ANK2: variants seen among roughly 807,000 people sequenced by gnomAD.
ANK2 encodes ankyrin 2.
Under a neutral mutation model 360.5 loss-of-function variants are expected in ANK2, and 83 were observed. That is an observed-to-expected ratio of 0.23 (90% CI 0.19 to 0.28). The LOEUF (loss-of-function observed/expected upper bound fraction) is 0.28. ANK2 is among the 10% of genes least tolerant of loss of function. ANK2 has a pLI of 1.00. For synonymous variants in ANK2, 1,740 were observed against 1,759.5 expected (o/e 0.99, Z 0.28); for missense variants, 4,201 against 4,795.7 (o/e 0.88, Z 3.66).
intron 1 of ANK2, among the ~76,000 whole-genome samples, chr4:112,867,672 GTTT>G (rs34029563): frequency 7.4e-6 from 1 of 135,148 alleles, no homozygotes; most frequent in African/African-American, 2.7e-5. Flanking sequence ...TTTTAAGTCT[GTTT>G]TTTTTTTTTC....
intron 1 of ANK2, among the ~76,000 whole-genome samples, chr4:113,160,770 G>A (rs1315539433): frequency 6.6e-6 from 1 of 152,196 alleles, no homozygotes; most frequent in East Asian, 1.9e-4. Flanking sequence ...CCCCACTTGA[G>A]CCATGCACAA....
the ANK2 span, among the ~76,000 whole-genome samples, chr4:112,754,624 A>G: frequency 6.6e-6 from 1 of 152,042 alleles, no homozygotes. Context: ...GGGCCCACTG[A>G]GCCTGCTTTC....
At chr4:112,758,203 A>G in the ANK2 span, among the ~76,000 whole-genome samples, 30 of 151,916 alleles carry the variant, frequency 2.0e-4, no homozygotes, top group African/African-American at 7.2e-4. Context: ...TCCGGCCAAG[A>G]TGGATTTTTT....
rs571564875 is a variant in ANK2 at position 113,115,777 on chromosome 4, A to T, written c.85-58639A>T. Among the ~76,000 whole-genome samples the T allele has an allele frequency of 6.6e-5, 10 of 152,346 alleles. No homozygotes were observed. In the South Asian group the frequency reaches 1.7e-3, roughly 25 times the overall value. On this transcript the variant is annotated intron_variant, in intron 1 of 45. Coordinates refer to ENST00000357077, the MANE Select transcript of ANK2 (RefSeq NM_001148.6). Reference sequence around the variant, plus strand: ...AGATATGTCATAAGGGTTAGGATACAAAAACATATCATTTTCTAGGAGAGC... The same window carrying T: ...AGATATGTCATAAGGGTTAGGATACTAAAACATATCATTTTCTAGGAGAGC...
At chr4:113,126,823 A>G (rs1461373543) in intron 1 of ANK2, among the ~76,000 whole-genome samples, 1 of 152,226 alleles carries the variant, frequency 6.6e-6, no homozygotes, top group Non-Finnish European at 1.5e-5. Context: ...CAGCTTTCAT[A>G]CTAGAAAAGA....
chr4:112,760,841 C>T, the ANK2 span, among the ~76,000 whole-genome samples: 1 of 145,118 alleles, frequency 6.9e-6, no homozygotes, highest in Non-Finnish European at 1.5e-5. Flanking sequence ...GAGTCTTGCT[C>T]TGTCACCCAG....
At chr4:113,036,211 C>T (rs942033663) in intron 2 of ANK2, among the ~76,000 whole-genome samples, 3 of 149,946 alleles carry the variant, frequency 2.0e-5, no homozygotes, top group Non-Finnish European at 4.4e-5. Flanking sequence ...ATTTTTTCCA[C>T]TTTGAAATGT....
At chr4:112,904,605 A>T in intron 2 of ANK2, 1 of 952,132 alleles carries the variant, frequency 1.1e-6, no homozygotes, top group Non-Finnish European at 1.5e-6. Context: ...TGGTAAAAAC[A>T]ATTTTTATGA....
At chr4:112,787,945 T>C in the ANK2 span, 12 of 608,498 alleles carry the variant, frequency 2.0e-5, no homozygotes, top group Non-Finnish European at 3.5e-5. Context: ...ATCCTCCATG[T>C]ATGATCATTA....
At chr4:113,216,030 C>T (rs537517749) in intron 4 of ANK2, among the ~76,000 whole-genome samples, 1 of 152,006 alleles carries the variant, frequency 6.6e-6, no homozygotes, top group Non-Finnish European at 1.5e-5. Context: ...AGCCTTTTTT[C>T]CCAACTGTTA....
At chr4:113,049,388 TTTTGTGTGTAGG>T (rs2065912755), upstream of ANK2, among the ~76,000 whole-genome samples, 1 of 152,188 alleles carries the variant, frequency 6.6e-6, no homozygotes, top group African/African-American at 2.4e-5. Flanking sequence ...TAAGTACAGG[TTTTGTGTGTAGG>T]TTGAGAGCTG....
intron 2 of ANK2, among the ~76,000 whole-genome samples, chr4:113,030,477 A>T (rs765583651): frequency 2.6e-5 from 4 of 152,150 alleles, no homozygotes; most frequent in Non-Finnish European, 5.9e-5. Flanking sequence ...ATTAGGTAAG[A>T]TCTCAAAAGA....
chr4:113,336,117 A>G, intron 30 of ANK2, 60 bp downstream of exon 30: 1 of 1,556,654 alleles, frequency 6.4e-7, no homozygotes, highest in Non-Finnish European at 8.8e-7. Flanking sequence ...ATTAAAAATT[A>G]GCTTTGTCAA....
intron 2 of ANK2, among the ~76,000 whole-genome samples, chr4:112,952,551 CAT>C (rs1357319115): frequency 6.6e-6 from 1 of 152,108 alleles, no homozygotes; most frequent in Non-Finnish European, 1.5e-5. Flanking sequence ...CATATTATGA[CAT>C]GTTTTATTGT....
intron 1 of ANK2, chr4:113,146,133 C>A: frequency 1.0e-6 from 1 of 1,002,136 alleles, no homozygotes; most frequent in Non-Finnish European, 1.3e-6. Context: ...GATCAAACCA[C>A]CTGACTACCT....
rs2153634153 is a variant in ANK2, at chr4:113,258,145, A to G, written c.1284A>G (p.Thr428=). 6.2e-7 allele frequency: 1 copy of G among 1,612,258 alleles called. No homozygotes were observed. The highest frequency in any genetic ancestry group is 8.5e-7 in the Non-Finnish European group (1 of 1,178,264). ...VKYGASIQAI[T]ESGLTPIHVA... ...ATGGGGCTTCAATCCAAGCTATAAC[A>G]GAGGTAGAAAAATGTTTTAGCTAGT... Residue 428 remains threonine (T), a synonymous_variant, in exon 12 of 46, where the codon ACA becomes ACG. Coordinates refer to ENST00000357077, the MANE Select transcript of ANK2 (RefSeq NM_001148.6).
At chr4:112,709,319 A>G in the ANK2 span, among the ~76,000 whole-genome samples, 1 of 152,216 alleles carries the variant, frequency 6.6e-6, no homozygotes, top group South Asian at 2.1e-4. Flanking sequence ...GTAAAAGAAA[A>G]GATGAAGAAA....
intron 4 of ANK2, among the ~76,000 whole-genome samples, chr4:113,213,370 A>G (rs2099046505): frequency 6.6e-6 from 1 of 152,214 alleles, no homozygotes; most frequent in African/African-American, 2.4e-5. Context: ...TTAAGCTGCT[A>G]TTTAAAAGAT....
At chr4:112,882,059 T>C in intron 1 of ANK2, 1 of 390,096 alleles carries the variant, frequency 2.6e-6, no homozygotes, top group East Asian at 4.7e-5. Flanking sequence ...GAAGGGCTCC[T>C]CAGGCTCTCA....
Sources: gnomAD v4.1 joint callset for allele counts (sites outside exome capture counted in the v4.1 genomes callset) on GRCh38, gnomAD v4.1.1 for gene constraint, MANE v1.5 for transcripts, NCBI Gene and HGNC (gene_info 2026-07-23, HGNC 2026-07-21) for gene names.